Variants in FAM53A observed in about 807,000 individuals in gnomAD.
FAM53A encodes protein FAM53A.
Under a neutral mutation model 26.6 loss-of-function variants are expected in FAM53A, and 28 were observed. That is an observed-to-expected ratio of 1.05 (90% confidence interval 0.78 to 1.45). FAM53A has a LOEUF of 1.45. Among genes scored for constraint, FAM53A ranks in the 40% most tolerant of loss-of-function variants. FAM53A has a pLI of 0.00. For synonymous variants in FAM53A, 290 were observed against 253.1 expected, an observed-to-expected ratio of 1.15 and a Z score of -1.38; for missense variants, 650 against 575.8, an observed-to-expected ratio of 1.13 and a Z score of -1.32.
intron 2 of FAM53A, among the ~76,000 whole-genome samples, chr4:1,661,773 G>A (rs1180943148): frequency 1.3e-5 from 2 of 152,262 alleles, no homozygotes; most frequent in Middle Eastern, 3.4e-3. Context: ...GTTACTGGTC[G>A]TCTGTGTAGG....
chr4:1,643,414 C>A (rs992147445), intron 4 of FAM53A, among the ~76,000 whole-genome samples: 1 of 151,544 alleles, frequency 6.6e-6, no homozygotes, highest in Non-Finnish European at 1.5e-5. Flanking sequence ...TGCAGTGAGC[C>A]GAGATTGGGC....
At chr4:1,594,984 G>A in the FAM53A span, among the ~76,000 whole-genome samples, 2 of 152,234 alleles carry the variant, frequency 1.3e-5, no homozygotes, top group Non-Finnish European at 2.9e-5. Context: ...GCAAAGCCGT[G>A]CACAGGCCCA....
chr4:1,657,586 T>C (rs2108925888), intron 2 of FAM53A, 118 bp from the exon 3 acceptor site: 1 of 842,804 alleles, frequency 1.2e-6, no homozygotes, highest in East Asian at 2.7e-5. Flanking sequence ...TTTCTAGTGA[T>C]TAAAATAAGC....
downstream of FAM53A, among the ~76,000 whole-genome samples, chr4:1,613,611 G>T (rs557115174): frequency 1.3e-5 from 2 of 152,182 alleles, no homozygotes; most frequent in African/African-American, 4.8e-5. Flanking sequence ...GTGGCTATGC[G>T]TGTGTGTGTC....
chr4:1,608,777 T>C, the FAM53A span, among the ~76,000 whole-genome samples: 2 of 152,160 alleles, frequency 1.3e-5, no homozygotes, highest in Non-Finnish European at 2.9e-5. Context: ...TTTGGATCTG[T>C]CCAAGCTGAA....
chr4:1,645,910 G>C (rs1712200135), intron 4 of FAM53A, among the ~76,000 whole-genome samples: 1 of 152,170 alleles, frequency 6.6e-6, no homozygotes. Context: ...GAGTTGATCA[G>C]GTCCTGCGGG....
At chr4:1,649,821 G>GT (rs1712587023) in intron 4 of FAM53A, among the ~76,000 whole-genome samples, 1 of 150,268 alleles carries the variant, frequency 6.7e-6, no homozygotes, top group Non-Finnish European at 1.5e-5. Context: ...CTCAGGCATG[G>GT]TGTTTGTGAG....
downstream of FAM53A, among the ~76,000 whole-genome samples, chr4:1,616,466 A>G (rs12511398): frequency 0.26 from 39,447 of 152,136 alleles, 5,534 homozygotes; most frequent in Admixed American, 0.36. Flanking sequence ...CGGGTGTCAC[A>G]GTGAGACTCC....
rs751573459 is a variant in FAM53A at position 1,655,071 on chromosome 4, G to A, written c.789C>T (p.Cys263=). ...GCCGGCTCCTCTTCCCACTGAGCACGCAAGGCTGTGAGCGGCACCGGAGCA... is the reference window on the plus strand; with the variant it reads ...GCCGGCTCCTCTTCCCACTGAGCACACAAGGCTGTGAGCGGCACCGGAGCA... ...RGLLRCRSQP[C]VLSGKRSRRK... Residue 263 remains cysteine (C), a synonymous_variant, in exon 4 of 5, where the codon TGC becomes TGT. Coordinates refer to ENST00000308132, the MANE Select transcript of FAM53A (RefSeq NM_001174070.3). 96 of 1,601,070 alleles carry A rather than the reference G, an allele frequency of 6.0e-5. No individual in the cohort carries two copies. The highest frequency in any genetic ancestry group is 1.7e-4 in the Middle Eastern group (1 of 6,046).
the FAM53A span, among the ~76,000 whole-genome samples, chr4:1,584,952 G>T: frequency 6.6e-6 from 1 of 152,208 alleles, no homozygotes; most frequent in South Asian, 2.1e-4. Context: ...GGTATTTGCA[G>T]ACTTGTTTTT....
chr4:1,655,977 C>T (rs907832246), intron 3 of FAM53A, among the ~76,000 whole-genome samples: 3 of 152,118 alleles, frequency 2.0e-5, no homozygotes, highest in Non-Finnish European at 2.9e-5. Flanking sequence ...GCCTCCCCAC[C>T]GGTGCCTCCC....
the FAM53A span, among the ~76,000 whole-genome samples, chr4:1,580,409 G>A: frequency 6.6e-6 from 1 of 152,196 alleles, no homozygotes; most frequent in African/African-American, 2.4e-5. Context: ...AGGGATGTGA[G>A]GGCAGCTCAG....
intron 1 of FAM53A, among the ~76,000 whole-genome samples, chr4:1,675,620 C>T (rs1714988859): frequency 2.0e-5 from 3 of 152,380 alleles, no homozygotes; most frequent in Admixed American, 1.3e-4. Context: ...TCCACCTCTG[C>T]ACCCAGCTCA....
At chr4:1,685,170 C>A (rs1219516030), upstream of FAM53A, among the ~76,000 whole-genome samples, 1 of 152,130 alleles carries the variant, frequency 6.6e-6, no homozygotes, top group East Asian at 1.9e-4. Flanking sequence ...TGGATATCCG[C>A]CGACTCTGGA....
chr4:1,624,973 G>A (rs1012483506), intron 1 of FAM53A, among the ~76,000 whole-genome samples: 9 of 142,578 alleles, frequency 6.3e-5, no homozygotes, highest in South Asian at 2.2e-4. Flanking sequence ...CCCGGCCCAC[G>A]TGGTCAGGGG....
At chr4:1,680,937 T>A (rs1715392549) in intron 1 of FAM53A, among the ~76,000 whole-genome samples, 1 of 152,188 alleles carries the variant, frequency 6.6e-6, no homozygotes, top group Non-Finnish European at 1.5e-5. Context: ...ATCCATAGAC[T>A]ACAACACCAA....
intron 1 of FAM53A, among the ~76,000 whole-genome samples, chr4:1,682,799 GAA>G (rs1304405062): frequency 2.0e-5 from 3 of 151,138 alleles, no homozygotes; most frequent in African/African-American, 7.3e-5. Context: ...AAAAAAAAAA[GAA>G]AAAATTACTT....
chr4:1,619,916 A>T (rs1337414120), intron 1 of FAM53A, among the ~76,000 whole-genome samples: 1 of 152,204 alleles, frequency 6.6e-6, no homozygotes, highest in African/African-American at 2.4e-5. Flanking sequence ...ATACTTTATT[A>T]AAAAACAAGT....
At chr4:1,592,927 C>T in the FAM53A span, among the ~76,000 whole-genome samples, 1 of 152,160 alleles carries the variant, frequency 6.6e-6, no homozygotes, top group South Asian at 2.1e-4. Context: ...GCTGCGGGGC[C>T]CGGGGCCGCT....
Sources: allele counts gnomAD v4.1 joint callset (sites outside exome capture counted in the v4.1 genomes callset), GRCh38; gene constraint gnomAD v4.1.1; transcripts MANE v1.5; gene names NCBI Gene and HGNC (gene_info 2026-07-23, HGNC 2026-07-21).